Variants in EHMT1 observed in about 807,000 individuals in gnomAD.
The protein encoded by EHMT1 is euchromatic histone lysine methyltransferase 1.
Under a neutral mutation model 147.2 loss-of-function variants are expected in EHMT1, and 15 were observed. That is an observed-to-expected ratio of 0.10 (90% CI 0.07 to 0.16). The LOEUF is 0.16. EHMT1 is among the 10% of genes least tolerant of loss of function. The probability of loss-of-function intolerance (pLI) is 1.00; values close to 1 mark genes in which losing one functional copy is unlikely to be tolerated. For synonymous variants in EHMT1, 795 were observed against 709.6 expected, an observed-to-expected ratio of 1.12 and a Z score of -1.91; for missense variants, 1,587 against 1,772.4, an observed-to-expected ratio of 0.90 and a Z score of 1.88.
intron 25 of EHMT1, among the ~76,000 whole-genome samples, chr9:137,823,701 A>G (rs550681704): frequency 1.5e-4 from 22 of 151,226 alleles, no homozygotes; most frequent in Admixed American, 8.6e-4. Flanking sequence ...GTGAGCCACC[A>G]CGCCCGGCCC....
At chr9:137,688,261 T>A (rs1942630234) in intron 1 of EHMT1, among the ~76,000 whole-genome samples, 1 of 152,232 alleles carries the variant, frequency 6.6e-6, no homozygotes, top group Non-Finnish European at 1.5e-5. Context: ...TAACCTCTAG[T>A]GATCTGCCTG....
chr9:137,730,071 T>C (rs1485731855), intron 4 of EHMT1, among the ~76,000 whole-genome samples: 1 of 152,234 alleles, frequency 6.6e-6, no homozygotes, highest in Non-Finnish European at 1.5e-5. Flanking sequence ...GGCCAGGTCT[T>C]TCATAGAATG....
rs890853080 is a variant in EHMT1 at position 137,717,296 on chromosome 9, C to G, written c.642+114C>G. On this transcript the variant is annotated intron_variant, in intron 3 of 26. Coordinates refer to ENST00000460843, the MANE Select transcript of EHMT1 (RefSeq NM_024757.5). ...CCAGTAAGTGTCAGTGGTTATCCGACAGGGCCTATGAGGAGCTAGGAGAAG... is the reference window on the plus strand; with the variant it reads ...CCAGTAAGTGTCAGTGGTTATCCGAGAGGGCCTATGAGGAGCTAGGAGAAG... The G allele has an allele frequency of 5.1e-6, 7 of 1,376,666 alleles. 1 individual carries two copies. In the South Asian group the frequency reaches 7.4e-5, roughly 15 times the overall value. 85.3% of individuals were successfully genotyped at this position (1,376,666 alleles called of 1,614,324 possible).
At chr9:137,677,142 T>C (rs893212554) in intron 1 of EHMT1, among the ~76,000 whole-genome samples, 2 of 151,964 alleles carry the variant, frequency 1.3e-5, no homozygotes, top group Non-Finnish European at 2.9e-5. Context: ...GACTGGAGTT[T>C]TTTTTTTTTA....
At chr9:137,734,892 A>G (rs1159991387) in intron 4 of EHMT1, among the ~76,000 whole-genome samples, 1 of 152,224 alleles carries the variant, frequency 6.6e-6, no homozygotes, top group Non-Finnish European at 1.5e-5. Flanking sequence ...TCTCAGATAA[A>G]CAAAAGCTGA....
intron 25 of EHMT1, among the ~76,000 whole-genome samples, chr9:137,820,519 G>A (rs1163070065): frequency 1.3e-5 from 2 of 152,166 alleles, no homozygotes; most frequent in Non-Finnish European, 2.9e-5. Flanking sequence ...CAGTTTATCA[G>A]TCTTTTTCTA....
In EHMT1 at chr9:137,716,779, A is replaced by T. The variant is rs754504122; in HGVS notation, c.239A>T (p.Asn80Ile). The change falls in exon 3 of 27, where the codon AAC becomes ATC. Residue 80 changes from asparagine (N) to isoleucine (I), a missense_variant. By Grantham distance (149) the Asn-to-Ile change is moderately radical (BLOSUM62 -3). This residue lies in a region of EHMT1 where 810 missense variants were observed against 673.0 expected (regional missense o/e 1.20). Transcript: ENST00000460843. ...CACACTCAGGACAGCGCAAGGGTCA[A>T]CCCCCAGGATGGCACCAACACACTA... Reference protein sequence around the residue: ...AKHTQDSARVNPQDGTNTLTR... With the variant: ...AKHTQDSARVIPQDGTNTLTR... 13 of 1,613,144 alleles carry T rather than the reference A, an allele frequency of 8.1e-6. No individual in the cohort carries two copies. Among genetic ancestry groups the T allele is most frequent in the South Asian group, 1.1e-5 (1 of 91,082 alleles).
At position 137,722,701 on chromosome 9, in the gene EHMT1, T is replaced by G. The variant is rs1449200934; in HGVS notation, c.642+5519T>G. Among the ~76,000 whole-genome samples, 3 of 151,422 alleles carry G rather than the reference T, an allele frequency of 2.0e-5. No homozygotes were observed. In the East Asian group the frequency reaches 5.8e-4, roughly 30 times the overall value. ...GTGCCCCCCTGTGCCCCCGGTATGC[T>G]CTGTGTGGGCCCCACAGAGGTGGTG... is the stretch of plus-strand genomic sequence containing the variant. On this transcript the variant is annotated intron_variant, in intron 3 of 26. Transcript: ENST00000460843.
At chr9:137,645,571 T>C (rs929941640) in intron 1 of EHMT1, among the ~76,000 whole-genome samples, 1 of 152,298 alleles carries the variant, frequency 6.6e-6, no homozygotes, top group Admixed American at 6.5e-5. Context: ...AAACAGGGTG[T>C]GATAGAAGCA....
intron 1 of EHMT1, among the ~76,000 whole-genome samples, chr9:137,686,730 C>CTTTTTT (rs34204547): frequency 6.3e-5 from 7 of 111,004 alleles, no homozygotes; most frequent in Non-Finnish European, 9.4e-5. Flanking sequence ...CTCATTCTTT[C>CTTTTTT]TTTTTTTTTT....
At position 137,657,791 on chromosome 9, in the gene EHMT1, T is replaced by TA. The variant is rs533347801; in HGVS notation, c.21+38743dup. On this transcript the variant is annotated intron_variant, in intron 1 of 26. Coordinates refer to ENST00000460843, the MANE Select transcript of EHMT1 (RefSeq NM_024757.5). Reference sequence around the variant, plus strand: ...ATGTTTTGTGCCCATGAACCATTTCTACCCCCACTCCCCACCTCCACTCCA... The same window carrying TA: ...ATGTTTTGTGCCCATGAACCATTTCTAACCCCCACTCCCCACCTCCACTCCA... Among the ~76,000 whole-genome samples, 43 of 152,058 alleles carry TA rather than the reference T, an allele frequency of 2.8e-4. 1 individual carries two copies. Among genetic ancestry groups the TA allele is most frequent in the Admixed American group, 2.8e-3 (43 of 15,250 alleles).
chr9:137,757,740 G>T, intron 8 of EHMT1, 140 bp from the exon 9 acceptor site: 1 of 1,241,984 alleles, frequency 8.1e-7, no homozygotes, highest in Non-Finnish European at 1.2e-6. Flanking sequence ...CTAAACCATA[G>T]TGGGTTTCAA....
At chr9:137,810,892 G>A (rs1235860378) in intron 18 of EHMT1, among the ~76,000 whole-genome samples, 1 of 151,910 alleles carries the variant, frequency 6.6e-6, no homozygotes, top group Admixed American at 6.6e-5. Context: ...GTAGAAACGG[G>A]GTTTCACCAT....
At chr9:137,703,404 A>G (rs760828262) in intron 1 of EHMT1, among the ~76,000 whole-genome samples, 6 of 152,166 alleles carry the variant, frequency 3.9e-5, no homozygotes, top group Admixed American at 6.5e-5. Context: ...CCTTTTAAAT[A>G]TAAGTTCCAG....
intron 1 of EHMT1, among the ~76,000 whole-genome samples, chr9:137,704,904 TC>T (rs1944134572): frequency 6.7e-6 from 1 of 148,298 alleles, no homozygotes; most frequent in South Asian, 2.2e-4. Context: ...CTTTCCTTGT[TC>T]CTTCCTTCCT....
chr9:137,707,352 C>T (rs958367629), intron 1 of EHMT1, among the ~76,000 whole-genome samples: 3 of 152,210 alleles, frequency 2.0e-5, no homozygotes, highest in Non-Finnish European at 2.9e-5. Context: ...GGAGAGGCCA[C>T]GGTTCTGGAG....
rs1165804342 is a variant in EHMT1 at position 137,731,247 on chromosome 9, A to G, written c.823+2718A>G. 2.0e-5 allele frequency among the ~76,000 whole-genome samples: 3 copies of G among 152,148 alleles called. No homozygotes were observed. The highest frequency in any genetic ancestry group is 2.9e-5 in the Non-Finnish European group (2 of 68,018). ...GTAAAATGGCCTTGAGCACTGGAGG[A>G]GATGTGCTCGGCAGTTAGCTGCCTG... is the stretch of plus-strand genomic sequence containing the variant. On this transcript the variant is annotated intron_variant, in intron 4 of 26. Coordinates refer to ENST00000460843, the MANE Select transcript of EHMT1 (RefSeq NM_024757.5). This position sits in a 1 kb window ranked among gnomAD's most constrained non-coding sequence, Gnocchi z 4.3.
intron 25 of EHMT1, among the ~76,000 whole-genome samples, chr9:137,822,177 T>A (rs918990506): frequency 5.9e-5 from 9 of 152,192 alleles, no homozygotes; most frequent in Middle Eastern, 3.2e-3. Context: ...CGGCTTTGCA[T>A]GTTTTGTGAT....
chr9:137,742,549 C>G (rs1948192664), intron 4 of EHMT1, among the ~76,000 whole-genome samples: 1 of 151,988 alleles, frequency 6.6e-6, no homozygotes, highest in Admixed American at 6.6e-5. Context: ...AATCCTGGAA[C>G]TTAAAAAAAG....
Sources: allele counts gnomAD v4.1 joint callset (sites outside exome capture counted in the v4.1 genomes callset), GRCh38; gene constraint gnomAD v4.1.1; regional missense constraint gnomAD v4.1.1; non-coding constraint Gnocchi (gnomAD v3.1); transcripts MANE v1.5; gene names NCBI Gene and HGNC (gene_info 2026-07-23, HGNC 2026-07-21).